ADCK2: variants seen among roughly 807,000 people sequenced by gnomAD.
ADCK2 encodes the protein uncharacterized aarF domain-containing protein kinase 2.
Under a neutral mutation model 52.3 loss-of-function variants are expected in ADCK2, and 37 were observed. That is an observed-to-expected ratio of 0.71 (90% CI 0.54 to 0.93). The LOEUF (loss-of-function observed/expected upper bound fraction) is 0.93, where lower values mean the gene tolerates loss of function less well. Ranked by LOEUF, ADCK2 falls within the 40% of genes least tolerant of loss-of-function variation. The pLI is 0.00. For missense variants in ADCK2, 695 were observed against 798.7 expected, an observed-to-expected ratio of 0.87 and a Z score of 1.56; for synonymous variants, 321 against 349.2, an observed-to-expected ratio of 0.92 and a Z score of 0.90.
intron 4 of ADCK2, among the ~76,000 whole-genome samples, chr7:140,682,998 CAAAAAA>C (rs34792260): frequency 9.3e-4 from 51 of 54,972 alleles, no homozygotes; most frequent in African/African-American, 2.3e-3. Flanking sequence ...GACTCTGTCT[CAAAAAA>C]AAAAAAAAAA....
chr7:140,680,483 T>C (rs1585846137), intron 3 of ADCK2, among the ~76,000 whole-genome samples: 1 of 139,030 alleles, frequency 7.2e-6, no homozygotes, highest in Non-Finnish European at 1.6e-5. Context: ...GAGATGGGGG[T>C]CTCCTTACGT....
In ADCK2 at chr7:140,674,304, C is replaced by T. The variant is rs367838426; in HGVS notation, c.933+41C>T. 1.3e-6 allele frequency: 2 copies of T among 1,551,024 alleles called. No homozygotes were observed. The highest frequency in any genetic ancestry group is 1.7e-6 in the Non-Finnish European group (2 of 1,145,636). ...GCTCACAGCTCACCTACCCACTGAG[C>T]TATCCCAGATCAGAAACAACCGCCA... On this transcript the variant is annotated intron_variant, in intron 1 of 7. Transcript: ENST00000072869. The surrounding 1 kb of genome is among the most constrained non-coding windows in gnomAD (Gnocchi z 4.6).
chr7:140,679,777 A>G (rs1268522164), intron 3 of ADCK2, among the ~76,000 whole-genome samples: 3 of 139,452 alleles, frequency 2.2e-5, no homozygotes, highest in African/African-American at 8.1e-5. Context: ...GGTTCAAGTG[A>G]TTCTCGTGCC....
At chr7:140,692,547 T>C (rs907044798) in intron 7 of ADCK2, among the ~76,000 whole-genome samples, 1 of 152,148 alleles carries the variant, frequency 6.6e-6, no homozygotes, top group African/African-American at 2.4e-5. Flanking sequence ...TAGTAAGAGA[T>C]AGGGTTTCGT....
chr7:140,690,710 G>A (rs200464789), intron 6 of ADCK2, 50 bp from the exon 7 acceptor site: 11 of 1,571,458 alleles, frequency 7.0e-6, no homozygotes, highest in East Asian at 6.8e-5. Flanking sequence ...GGAAATGAGC[G>A]GTTCTGGAAG....
In ADCK2 at chr7:140,689,672, G is replaced by A. The variant is rs764159638; in HGVS notation, c.1633G>A (p.Glu545Lys). 15 of 1,613,690 alleles carry A rather than the reference G, an allele frequency of 9.3e-6. No homozygotes were observed. Among genetic ancestry groups the A allele is most frequent in the Admixed American group, 6.7e-5 (4 of 59,976 alleles). Residue 545 changes from glutamate to lysine, a missense_variant, in exon 6 of 8, where the codon GAG becomes AAG. Coordinates refer to ENST00000072869, the MANE Select transcript of ADCK2 (RefSeq NM_052853.4). ...ECRDVEGFKTEMAMLVTQARK... is the reference protein window; with the variant it reads ...ECRDVEGFKTKMAMLVTQARK... ...CAGGGACGTGGAGGGGTTCAAAACC[G>A]AGATGGCCATGCTGGTGACCCAGGC...
intron 4 of ADCK2, 99 bp from the exon 5 acceptor site, chr7:140,686,889 TAG>T: frequency 6.7e-7 from 1 of 1,485,092 alleles, no homozygotes. Context: ...GCGGCTGTGA[TAG>T]AGTGCTGGGA....
chr7:140,673,563 C>A lies in ADCK2; in HGVS notation c.233C>A (p.Ala78Glu). The A allele has an allele frequency of 6.2e-7, 1 of 1,600,616 alleles. No individual in the cohort carries two copies. The change falls in exon 1 of 8, where the codon GCG (alanine) becomes GAG (glutamate). Residue 78 changes from alanine to glutamate, a missense_variant. Ala to Glu is a moderately radical substitution (Grantham distance 107). Coordinates refer to ENST00000072869, the MANE Select transcript of ADCK2 (RefSeq NM_052853.4). This position sits in a 1 kb window ranked among gnomAD's most constrained non-coding sequence, Gnocchi z 6.4. ...RRVRCSGAAG[A>E]GPAESLPRAG... ...GTCCGCTGCAGCGGGGCGGCTGGCG[C>A]GGGGCCCGCGGAGAGCCTCCCCCGA... is the stretch of plus-strand genomic sequence containing the variant.
In ADCK2 at chr7:140,687,367, C is replaced by G. The variant is rs987369262; in HGVS notation, c.1557+126C>G. ...GCCTGAGCGGGGAGGATTGCTTGAG[C>G]CCAGGAGTTCAAGGCCAGCCTGAGC... On this transcript the variant is annotated intron_variant, in intron 5 of 7. Transcript: ENST00000072869. 4 of 1,322,470 alleles carry G rather than the reference C, an allele frequency of 3.0e-6. No homozygotes were observed. The African/African-American group carries it at 4.5e-5, about 15-fold the overall frequency. 81.9% of individuals were successfully genotyped at this position (1,322,470 alleles called of 1,614,324 possible).
Position 140,674,238 on chromosome 7 carries a change from C to G in ADCK2, c.908C>G (p.Thr303Ser), listed in dbSNP as rs1282304334. 6.2e-7 allele frequency: 1 copy of G among 1,613,104 alleles called. No homozygotes were observed. Among genetic ancestry groups the G allele is most frequent in the Non-Finnish European group, 8.5e-7 (1 of 1,179,468 alleles). Residue 303 changes from threonine (T) to serine (S), a missense_variant, in exon 1 of 8, where the codon ACC becomes AGC. Thr to Ser is a moderately conservative substitution (Grantham distance 58). Transcript: ENST00000072869. This position sits in a 1 kb window ranked among gnomAD's most constrained non-coding sequence, Gnocchi z 4.6. ...AQVPGHQPEA[T>S]NLISVAVKVL... ...GTCCCTGGCCACCAACCTGAGGCCACCAACCTCATCTCCGTGGCAGTGAAA... is the reference window on the plus strand; with the variant it reads ...GTCCCTGGCCACCAACCTGAGGCCAGCAACCTCATCTCCGTGGCAGTGAAA...
At position 140,679,237 on chromosome 7, in the gene ADCK2, C is replaced by G; in HGVS notation, c.1163C>G (p.Pro388Arg). Residue 388 changes from proline to arginine, a missense_variant, in exon 3 of 8, where the codon CCT becomes CGT. Transcript: ENST00000072869. Reference protein sequence around the residue: ...RNVKAVKFPTPLRPFVTREVL... With the variant: ...RNVKAVKFPTRLRPFVTREVL... The stretch of plus-strand genomic sequence containing the variant: ...GTGAAAGCCGTCAAGTTCCCCACCC[C>G]TCTGCGCCCCTTTGTCACCAGAGAA... 1 of 1,614,184 alleles carries G rather than the reference C, an allele frequency of 6.2e-7. No individual in the cohort carries two copies. The highest frequency in any genetic ancestry group is 1.1e-5 in the South Asian group (1 of 91,080).
At position 140,673,654 on chromosome 7, in the gene ADCK2, GA is replaced by G; in HGVS notation, c.327del (p.Lys109AsnfsTer27). ...LWLRAGALLV[K>X]FFPLLLLYPL... The stretch of plus-strand genomic sequence containing the variant: ...GGCTTCGCGCCGGCGCTCTGTTGGT[GA>G]AATTCTTCCCCCTCCTACTCCTCTA... On this transcript the variant is annotated frameshift_variant, in exon 1 of 8. Transcript: ENST00000072869. LOFTEE classifies it high-confidence loss of function. This position sits in a 1 kb window ranked among gnomAD's most constrained non-coding sequence, Gnocchi z 6.4. The G allele has an allele frequency of 6.2e-7, 1 of 1,610,768 alleles. No individual in the cohort carries two copies. The highest frequency in any genetic ancestry group is 8.5e-7 in the Non-Finnish European group (1 of 1,179,956).
intron 4 of ADCK2, among the ~76,000 whole-genome samples, chr7:140,682,829 A>C (rs1794538420): frequency 6.8e-6 from 1 of 147,132 alleles, no homozygotes. Flanking sequence ...GTCACTACAA[A>C]AAAAAAAAAA....
At chr7:140,682,361 T>C (rs1204552820) in intron 4 of ADCK2, among the ~76,000 whole-genome samples, 1 of 152,072 alleles carries the variant, frequency 6.6e-6, no homozygotes, top group Non-Finnish European at 1.5e-5. Flanking sequence ...GAGAATAGCC[T>C]TTGCTGAGGC....
chr7:140,692,260 A>G (rs1050771776), intron 7 of ADCK2, among the ~76,000 whole-genome samples: 1 of 152,100 alleles, frequency 6.6e-6, no homozygotes, highest in Non-Finnish European at 1.5e-5. Flanking sequence ...GCTACTCTTG[A>G]TATTTCATAT....
chr7:140,680,568 C>T (rs1188231537), intron 3 of ADCK2, among the ~76,000 whole-genome samples: 1 of 151,884 alleles, frequency 6.6e-6, no homozygotes, highest in African/African-American at 2.4e-5. Flanking sequence ...TTCAGGACAT[C>T]ACATCTCTTA....
At chr7:140,694,245 T>C (rs964412147) in intron 7 of ADCK2, among the ~76,000 whole-genome samples, 3 of 152,104 alleles carry the variant, frequency 2.0e-5, no homozygotes, top group Non-Finnish European at 4.4e-5. Context: ...GATCTTGCCA[T>C]TGCACTCCAG....
Position 140,694,809 on chromosome 7 carries a change from C to T in ADCK2, c.*6C>T, listed in dbSNP as rs1032669817. The T allele has an allele frequency of 1.2e-6, 2 of 1,610,892 alleles. No individual in the cohort carries two copies. The stretch of plus-strand genomic sequence containing the variant: ...GCCCAGTGTGCCCCCCGTGATGGGG[C>T]AGTGGCCTCTGTGGGCCCTTGTCAA... On this transcript the variant is annotated 3_prime_UTR_variant, in exon 8 of 8. Coordinates refer to ENST00000072869, the MANE Select transcript of ADCK2 (RefSeq NM_052853.4).
chr7:140,695,109 C>T lies in ADCK2; in HGVS notation c.*306C>T. The T allele has an allele frequency of 2.7e-6, 3 of 1,117,890 alleles. No homozygotes were observed. Among genetic ancestry groups the T allele is most frequent in the Non-Finnish European group, 3.3e-6 (3 of 915,136 alleles). 69.2% of individuals were successfully genotyped at this position (1,117,890 alleles called of 1,614,324 possible). A position where few individuals can be genotyped will look rare whatever the true frequency, so the allele number is the denominator to read the frequency against. The stretch of plus-strand genomic sequence containing the variant: ...AGGACGAATAAATTTATTTTGTTTT[C>T]CTGTTTTTCTCATTTCTTGACCCGC... On this transcript the variant is annotated 3_prime_UTR_variant, in exon 8 of 8. Coordinates refer to ENST00000072869, the MANE Select transcript of ADCK2 (RefSeq NM_052853.4).
Sources: gnomAD v4.1 joint callset for allele counts (sites outside exome capture counted in the v4.1 genomes callset) on GRCh38, gnomAD v4.1.1 for gene constraint, Gnocchi (gnomAD v3.1) non-coding constraint, MANE v1.5 for transcripts, NCBI Gene and HGNC (gene_info 2026-07-23, HGNC 2026-07-21) for gene names.